LRBA: variants seen among roughly 807,000 people sequenced by gnomAD.
LRBA encodes lipopolysaccharide-responsive and beige-like anchor protein.
A neutral mutation model predicts 330.0 loss-of-function variants in LRBA; 176 were observed. The observed-to-expected ratio is 0.53, with a 90% CI of 0.47 to 0.60. The LOEUF (loss-of-function observed/expected upper bound fraction) is 0.60. LRBA is among the 20% of genes least tolerant of loss of function. The pLI is 0.00. For synonymous variants in LRBA, 1,230 were observed against 1,193.0 expected (o/e 1.03, Z -0.64); for missense variants, 3,259 against 3,444.8 (o/e 0.95, Z 1.35).
chr4:150,990,546 A>G (rs935717463), intron 2 of LRBA, among the ~76,000 whole-genome samples: 6 of 151,652 alleles, frequency 4.0e-5, no homozygotes, highest in African/African-American at 1.5e-4. Flanking sequence ...TAGGCAAGAC[A>G]ACAAAACCCC....
intron 36 of LRBA, among the ~76,000 whole-genome samples, chr4:150,708,376 T>C (rs1268213934): frequency 4.0e-5 from 6 of 151,854 alleles, no homozygotes; most frequent in Non-Finnish European, 7.4e-5. Flanking sequence ...AAATTTATTT[T>C]TATCTTTTCA....
At chr4:150,328,527 G>A (rs181440980) in intron 48 of LRBA, among the ~76,000 whole-genome samples, 23 of 152,100 alleles carry the variant, frequency 1.5e-4, no homozygotes, top group Middle Eastern at 3.4e-3. Context: ...ACTTTACAGG[G>A]GTGAAACCAT....
At chr4:150,545,410 C>T (rs1358065123) in intron 40 of LRBA, among the ~76,000 whole-genome samples, 1 of 152,006 alleles carries the variant, frequency 6.6e-6, no homozygotes, top group East Asian at 1.9e-4. Context: ...ATATCTGAAA[C>T]CTATCAGTTA....
intron 18 of LRBA, among the ~76,000 whole-genome samples, chr4:150,872,425 AC>A (rs1159356306): frequency 7.0e-4 from 107 of 152,320 alleles, no homozygotes; most frequent in African/African-American, 2.5e-3. Context: ...AGCTGTCCAA[AC>A]TAATTCTCAT....
chr4:150,841,919 G>C (rs1749142941), intron 28 of LRBA, among the ~76,000 whole-genome samples: 1 of 151,996 alleles, frequency 6.6e-6, no homozygotes. Flanking sequence ...GCCTCCCAAA[G>C]TGCTGGGATT....
chr4:150,846,707 C>T (rs898381858), intron 26 of LRBA, among the ~76,000 whole-genome samples: 1 of 151,924 alleles, frequency 6.6e-6, no homozygotes, highest in African/African-American at 2.4e-5. Flanking sequence ...TGCACTTGTA[C>T]CCCATAAATT....
At chr4:150,952,621 C>A (rs764077679) in intron 2 of LRBA, among the ~76,000 whole-genome samples, 3 of 152,078 alleles carry the variant, frequency 2.0e-5, no homozygotes, top group Non-Finnish European at 2.9e-5. Context: ...GTCTATAAGG[C>A]CGTCTGTTTC....
At chr4:150,798,319 C>T (rs565794721) in intron 33 of LRBA, among the ~76,000 whole-genome samples, 177 bp from the exon 34 acceptor site, 24 of 152,254 alleles carry the variant, frequency 1.6e-4, no homozygotes, top group African/African-American at 5.5e-4. Flanking sequence ...AAAACTACCA[C>T]CATTTTTGTA....
chr4:150,487,613 A>G, intron 42 of LRBA, 119 bp downstream of exon 42: 2 of 478,480 alleles, frequency 4.2e-6, no homozygotes, highest in Admixed American at 6.7e-5. Context: ...AAAGTTATAA[A>G]TTTCAAAATA....
chr4:150,832,100 C>A (rs978481792), intron 28 of LRBA, 124 bp from the exon 29 acceptor site: 11 of 465,632 alleles, frequency 2.4e-5, no homozygotes, highest in African/African-American at 2.2e-4. Context: ...AAATACATTA[C>A]CTACGTAAAT....
chr4:150,534,392 A>T (rs1004700368), intron 40 of LRBA, among the ~76,000 whole-genome samples: 13 of 149,782 alleles, frequency 8.7e-5, no homozygotes, highest in Admixed American at 2.0e-4. Flanking sequence ...TTTTAAAAAA[A>T]CACTTTTTAG....
At chr4:151,011,691 C>G (rs1744864133) in intron 2 of LRBA, among the ~76,000 whole-genome samples, 1 of 151,188 alleles carries the variant, frequency 6.6e-6, no homozygotes, top group African/African-American at 2.4e-5. Flanking sequence ...TTTACAGAAT[C>G]CCAATACTTT....
At position 150,490,965 on chromosome 4, in the gene LRBA, C is replaced by T. The variant is rs1487487615; in HGVS notation, c.6401G>A (p.Arg2134His). Reference sequence around the variant, plus strand: ...CAGGGCTGTATTTTGCAAAAGATAACGACGAGAAAAGATTGATCGTATCTC... The same window carrying T: ...CAGGGCTGTATTTTGCAAAAGATAATGACGAGAAAAGATTGATCGTATCTC... Reference protein sequence around the residue: ...FTEIRSIFSRRYLLQNTALEI... With the variant: ...FTEIRSIFSRHYLLQNTALEI... Residue 2134 changes from arginine (R) to histidine (H), a missense_variant, in exon 41 of 57, where the codon CGT becomes CAT. Transcript: ENST00000651943. 1.2e-5 allele frequency: 19 copies of T among 1,609,434 alleles called. 1 individual carries two copies. In the East Asian group the frequency reaches 2.2e-4, roughly 19 times the overall value.
intron 46 of LRBA, among the ~76,000 whole-genome samples, chr4:150,419,651 T>TTTTTG (rs1329641917): frequency 6.8e-6 from 1 of 148,054 alleles, no homozygotes; most frequent in Non-Finnish European, 1.5e-5. Flanking sequence ...TTTTTTTTTT[T>TTTTTG]TTTTGAGATG....
intron 37 of LRBA, among the ~76,000 whole-genome samples, chr4:150,628,317 TAG>T (rs1003335814): frequency 1.3e-5 from 2 of 152,176 alleles, no homozygotes; most frequent in Admixed American, 1.3e-4. Context: ...CAATCGGGTA[TAG>T]AGAGAGTCAG....
Position 150,467,673 on chromosome 4 carries a change from C to T in LRBA, c.6780G>A (p.Lys2260=). 1 of 1,538,110 alleles carries T rather than the reference C, an allele frequency of 6.5e-7. No individual in the cohort carries two copies. Residue 2260 remains lysine, a splice_region_variant and synonymous_variant, in exon 44 of 57, where the codon AAG becomes AAA. Coordinates refer to ENST00000651943, the MANE Select transcript of LRBA (RefSeq NM_001364905.1). ...TLPTNFRDLS[K]PIGALNPKRA... The stretch of plus-strand genomic sequence containing the variant: ...TTTCACATCATTACTGAGAAATTAC[C>T]TTGGACAAATCTCTGAAGTTGGTGG...
At chr4:150,667,522 CA>C (rs1245975551) in intron 37 of LRBA, among the ~76,000 whole-genome samples, 2 of 152,092 alleles carry the variant, frequency 1.3e-5, no homozygotes, top group Non-Finnish European at 2.9e-5. Context: ...AATTTTCCCC[CA>C]AAAACCTGCA....
At chr4:150,457,101 C>G (rs1389502091) in intron 44 of LRBA, among the ~76,000 whole-genome samples, 1 of 152,022 alleles carries the variant, frequency 6.6e-6, no homozygotes, top group Non-Finnish European at 1.5e-5. Context: ...AACTATTTGT[C>G]TATTCTAATT....
rs567456134 is a variant in LRBA at position 150,500,119 on chromosome 4, C to T, written c.6331-9084G>A. Among the ~76,000 whole-genome samples, 12 of 152,238 alleles carry T rather than the reference C, an allele frequency of 7.9e-5. No individual in the cohort carries two copies. The South Asian group carries it at 2.5e-3, about 32-fold the overall frequency. On this transcript the variant is annotated intron_variant, in intron 40 of 56. Coordinates refer to ENST00000651943, the MANE Select transcript of LRBA (RefSeq NM_001364905.1). ...GAAGTAGGATAGTGAATGTTCCCAACATGAAGAAAGGATGTTTGACATGAT... is the reference window on the plus strand; with the variant it reads ...GAAGTAGGATAGTGAATGTTCCCAATATGAAGAAAGGATGTTTGACATGAT...
Sources: allele counts gnomAD v4.1 joint callset (sites outside exome capture counted in the v4.1 genomes callset), GRCh38; gene constraint gnomAD v4.1.1; transcripts MANE v1.5; gene names NCBI Gene and HGNC (gene_info 2026-07-23, HGNC 2026-07-21).